The following LUZP1 variants were observed in gnomAD, a reference collection of about 807,000 sequenced individuals.
The protein encoded by LUZP1 is leucine zipper protein 1, also known as filamin mechanobinding actin cross-linking protein.
LUZP1 carries 25 observed loss-of-function variants against 71.3 expected under a neutral mutation model. That is an observed-to-expected ratio of 0.35 (90% CI 0.26 to 0.49). The LOEUF is 0.49. Among genes scored for constraint, LUZP1 ranks in the 20% least tolerant of loss-of-function variants. The pLI is 0.99. For synonymous variants in LUZP1, 481 were observed against 506.4 expected (o/e 0.95, Z 0.67); for missense variants, 1,142 against 1,300.8 (o/e 0.88, Z 1.88).
intron 2 of LUZP1, among the ~76,000 whole-genome samples, chr1:23,121,132 A>G (rs1644126455): frequency 6.6e-6 from 1 of 152,254 alleles, no homozygotes; most frequent in Admixed American, 6.5e-5. Flanking sequence ...AGCTAAAAAA[A>G]TAAGGGGAAA....
Position 23,094,178 on chromosome 1 carries a change from A to G in LUZP1, c.84T>C (p.Asp28=). ...GGTTTTTTGTGGCTTCCTCCAACTC[A>G]TCAAGGCGGCGGCTTAGACTCTGTA... Residue 28 remains aspartate, a synonymous_variant, in exon 4 of 5, where the codon GAT becomes GAC. Transcript: ENST00000302291. This position sits in a 1 kb window ranked among gnomAD's most constrained non-coding sequence, Gnocchi z 4.7. 6.2e-7 allele frequency: 1 copy of G among 1,614,064 alleles called. No homozygotes were observed. Among genetic ancestry groups the G allele is most frequent in the Non-Finnish European group, 8.5e-7 (1 of 1,180,010 alleles).
At chr1:23,101,877 T>C (rs1336257720) in intron 3 of LUZP1, among the ~76,000 whole-genome samples, 1 of 152,220 alleles carries the variant, frequency 6.6e-6, no homozygotes, top group African/African-American at 2.4e-5. Context: ...ACACCTATGA[T>C]GCACCCAGCA....
chr1:23,171,634 G>A (rs146654550), intron 1 of LUZP1, among the ~76,000 whole-genome samples: 1 of 152,240 alleles, frequency 6.6e-6, no homozygotes, highest in African/African-American at 2.4e-5. Flanking sequence ...TATGCTGCAG[G>A]CAGGCACATG....
chr1:23,100,991 A>C (rs1294636625), intron 3 of LUZP1, among the ~76,000 whole-genome samples: 1 of 152,202 alleles, frequency 6.6e-6, no homozygotes, highest in East Asian at 1.9e-4. Flanking sequence ...CCCATTATGC[A>C]AAATCACCTC....
At chr1:23,172,843 ATT>A (rs910000123) in intron 1 of LUZP1, among the ~76,000 whole-genome samples, 1 of 149,492 alleles carries the variant, frequency 6.7e-6, no homozygotes, top group Non-Finnish European at 1.5e-5. Flanking sequence ...TTTTATTTTT[ATT>A]TTTTTTGAGA....
At chr1:23,110,187 C>A (rs1008098243) in intron 2 of LUZP1, among the ~76,000 whole-genome samples, 1 of 152,132 alleles carries the variant, frequency 6.6e-6, no homozygotes, top group African/African-American at 2.4e-5. Context: ...CCTCTAGACT[C>A]GGTCCTCAAA....
chr1:23,128,381 G>A (rs1644189075), intron 2 of LUZP1, among the ~76,000 whole-genome samples: 1 of 152,160 alleles, frequency 6.6e-6, no homozygotes, highest in Non-Finnish European at 1.5e-5. Context: ...ATAAGTTTCA[G>A]CTAAAAGAGA....
chr1:23,093,489 T>C lies in LUZP1; in HGVS notation c.773A>G (p.Lys258Arg). The change falls in exon 4 of 5, where the codon AAG becomes AGG. Residue 258 changes from lysine (K) to arginine (R), a missense_variant. By Grantham distance (26) the Lys-to-Arg change is conservative (BLOSUM62 2). Transcript: ENST00000302291. The surrounding 1 kb of genome is among the most constrained non-coding windows in gnomAD (Gnocchi z 4.2). ...CTGCTTTAGGTAGTCCAGACCACCC[T>C]TCCTTCTTGATTCTTTGGACGGCAG... is the stretch of plus-strand genomic sequence containing the variant. The C allele has an allele frequency of 2.5e-6, 4 of 1,612,552 alleles. No homozygotes were observed. The highest frequency in any genetic ancestry group is 3.4e-6 in the Non-Finnish European group (4 of 1,179,708).
At chr1:23,110,531 C>T (rs1644019364) in intron 2 of LUZP1, among the ~76,000 whole-genome samples, 2 of 152,078 alleles carry the variant, frequency 1.3e-5, no homozygotes, top group South Asian at 4.2e-4. Flanking sequence ...TTGTGACTGC[C>T]TTCCAAGACT....
chr1:23,166,820 C>T lies in LUZP1; in HGVS notation c.-226+1946G>A, dbSNP rs145117769. Among the ~76,000 whole-genome samples the T allele has an allele frequency of 4.6e-5, 7 of 152,176 alleles. No individual in the cohort carries two copies. In the East Asian group the frequency reaches 1.4e-3, roughly 29 times the overall value. ...CTTAAATTATTTAAGATTAAGAAAA[C>T]ACCTCATAATCAACGAAGGCTAATT... On this transcript the variant is annotated intron_variant, in intron 2 of 4. Coordinates refer to ENST00000302291, the Ensembl canonical transcript of LUZP1.
chr1:23,153,433 C>G (rs940496006), intron 2 of LUZP1, among the ~76,000 whole-genome samples: 1 of 152,194 alleles, frequency 6.6e-6, no homozygotes, highest in Admixed American at 6.5e-5. Flanking sequence ...CTGAAAAACT[C>G]TAGTCTAACT....
At chr1:23,176,024 T>C (rs1281264432) in intron 1 of LUZP1, among the ~76,000 whole-genome samples, 1 of 151,948 alleles carries the variant, frequency 6.6e-6, no homozygotes, top group Admixed American at 6.6e-5. Context: ...CACTGTCTCT[T>C]ATCTGTCTTT....
chr1:23,145,465 T>C (rs556585223), intron 2 of LUZP1, among the ~76,000 whole-genome samples: 1 of 150,758 alleles, frequency 6.6e-6, no homozygotes, highest in Non-Finnish European at 1.5e-5. Flanking sequence ...ATACTATTAA[T>C]CTCTTTTTTT....
chr1:23,103,836 G>A (rs1323149218), intron 3 of LUZP1, among the ~76,000 whole-genome samples: 1 of 58,460 alleles, frequency 1.7e-5, no homozygotes, highest in Non-Finnish European at 3.3e-5. Context: ...GGAAGAGAGG[G>A]AGAGAGGGAG....
chr1:23,113,368 C>G (rs529976012), intron 2 of LUZP1, among the ~76,000 whole-genome samples: 1 of 151,956 alleles, frequency 6.6e-6, no homozygotes, highest in Non-Finnish European at 1.5e-5. Context: ...GTCCACACCA[C>G]TGCACTCCAG....
At chr1:23,143,265 C>T (rs1644319198) in intron 2 of LUZP1, among the ~76,000 whole-genome samples, 1 of 152,078 alleles carries the variant, frequency 6.6e-6, no homozygotes, top group East Asian at 1.9e-4. Context: ...CCTAAGCCTC[C>T]CAAAGTGCTG....
intron 2 of LUZP1, among the ~76,000 whole-genome samples, chr1:23,152,435 C>T (rs1014909094): frequency 3.3e-5 from 5 of 152,130 alleles, no homozygotes; most frequent in African/African-American, 7.2e-5. Context: ...GGATATAATG[C>T]AGTCCACAGA....
chr1:23,149,057 G>A (rs1482523602), intron 2 of LUZP1, among the ~76,000 whole-genome samples: 1 of 117,894 alleles, frequency 8.5e-6, no homozygotes, highest in Non-Finnish European at 1.6e-5. Flanking sequence ...TTCCAGCCCA[G>A]GTGACAGAGT....
At chr1:23,171,429 T>A (rs1268799061) in intron 1 of LUZP1, among the ~76,000 whole-genome samples, 1 of 151,950 alleles carries the variant, frequency 6.6e-6, no homozygotes, top group Non-Finnish European at 1.5e-5. Flanking sequence ...TCTCTGAGAG[T>A]TCTTTGCAGC....
Sources: allele counts gnomAD v4.1 joint callset (sites outside exome capture counted in the v4.1 genomes callset), GRCh38; gene constraint gnomAD v4.1.1; non-coding constraint Gnocchi (gnomAD v3.1); transcripts MANE v1.5; gene names NCBI Gene and HGNC (gene_info 2026-07-23, HGNC 2026-07-21).